Variants in CNTN4 observed in about 807,000 individuals in gnomAD.
The protein encoded by CNTN4 is contactin-4.
Under a neutral mutation model 122.5 loss-of-function variants are expected in CNTN4, and 77 were observed. That is an observed-to-expected ratio of 0.63 (90% CI 0.52 to 0.76). The LOEUF (loss-of-function observed/expected upper bound fraction) is 0.76. CNTN4 is among the 30% of genes least tolerant of loss of function. The pLI is 0.00. For missense variants in CNTN4, 1,256 were observed against 1,259.1 expected, an observed-to-expected ratio of 1.00 and a Z score of 0.04; for synonymous variants, 512 against 447.0, an observed-to-expected ratio of 1.15 and a Z score of -1.83.
intron 12 of CNTN4, among the ~76,000 whole-genome samples, chr3:2,906,450 A>C (rs542105937): frequency 3.9e-5 from 6 of 152,148 alleles, no homozygotes; most frequent in African/African-American, 1.4e-4. Flanking sequence ...AATAGATACA[A>C]TTGTGTCTGT....
At chr3:2,811,225 T>G (rs561224619) in intron 6 of CNTN4, among the ~76,000 whole-genome samples, 2 of 151,298 alleles carry the variant, frequency 1.3e-5, no homozygotes, top group Admixed American at 1.3e-4. Flanking sequence ...GCCTGGCCAA[T>G]GTGGGAAACC....
intron 4 of CNTN4, among the ~76,000 whole-genome samples, chr3:2,627,125 G>A (rs936307306): frequency 2.0e-5 from 3 of 152,192 alleles, no homozygotes; most frequent in Non-Finnish European, 4.4e-5. Flanking sequence ...CTCCTGGGAT[G>A]CAGGACTTTT....
chr3:2,263,554 A>T (rs1450086093), intron 2 of CNTN4, among the ~76,000 whole-genome samples: 1 of 152,122 alleles, frequency 6.6e-6, no homozygotes, highest in Non-Finnish European at 1.5e-5. Context: ...TGATATCTGT[A>T]TTTAATGTAG....
chr3:2,578,926 T>G (rs1363594169), intron 4 of CNTN4, among the ~76,000 whole-genome samples: 1 of 152,058 alleles, frequency 6.6e-6, no homozygotes, highest in Non-Finnish European at 1.5e-5. Context: ...AAATAGCAAA[T>G]GCAAAACTTC....
At chr3:2,347,161 C>T (rs2044426960) in intron 3 of CNTN4, among the ~76,000 whole-genome samples, 1 of 152,072 alleles carries the variant, frequency 6.6e-6, no homozygotes, top group South Asian at 2.1e-4. Flanking sequence ...CAAACAGCCC[C>T]AAGTGTCATG....
chr3:2,634,483 G>A (rs1022049369), intron 4 of CNTN4, among the ~76,000 whole-genome samples: 6 of 151,970 alleles, frequency 3.9e-5, no homozygotes, highest in African/African-American at 1.2e-4. Context: ...AATGCTTTCA[G>A]AACTTACTCA....
In CNTN4 at chr3:2,252,098, C is replaced by T. The variant is rs546427771; in HGVS notation, c.-144-87080C>T. ...ACTCTACATTCACATTTATAGGAATCAGGATATTGCCAGATACGCACTGAT... is the reference window on the plus strand; with the variant it reads ...ACTCTACATTCACATTTATAGGAATTAGGATATTGCCAGATACGCACTGAT... On this transcript the variant is annotated intron_variant, in intron 2 of 24. Transcript: ENST00000418658. Among the ~76,000 whole-genome samples, 4 of 152,016 alleles carry T rather than the reference C, an allele frequency of 2.6e-5. No individual in the cohort carries two copies. In the South Asian group the frequency reaches 6.2e-4, roughly 24 times the overall value.
intron 6 of CNTN4, among the ~76,000 whole-genome samples, chr3:2,782,725 G>A (rs974782278): frequency 1.3e-5 from 2 of 151,936 alleles, no homozygotes; most frequent in Non-Finnish European, 2.9e-5. Context: ...CCATTCCCTG[G>A]GGCTTTCAGG....
At chr3:2,220,427 G>A (rs2039017788) in intron 2 of CNTN4, among the ~76,000 whole-genome samples, 1 of 152,092 alleles carries the variant, frequency 6.6e-6, no homozygotes, top group African/African-American at 2.4e-5. Flanking sequence ...TACATTAAAT[G>A]AGTAAGTTTC....
chr3:2,541,432 T>C (rs913939326), intron 3 of CNTN4, among the ~76,000 whole-genome samples: 1 of 152,074 alleles, frequency 6.6e-6, no homozygotes, highest in Admixed American at 6.6e-5. Context: ...AGAAAAACCG[T>C]TTTTTCCATA....
chr3:2,759,451 T>C (rs1379772297), intron 6 of CNTN4, among the ~76,000 whole-genome samples: 6 of 152,312 alleles, frequency 3.9e-5, no homozygotes, highest in Admixed American at 6.5e-5. Context: ...TAGCCAGTAC[T>C]TCATTTATTT....
At chr3:2,993,895 C>T (rs1695283328) in intron 14 of CNTN4, among the ~76,000 whole-genome samples, 2 of 152,112 alleles carry the variant, frequency 1.3e-5, no homozygotes, top group African/African-American at 2.4e-5. Flanking sequence ...TTAGCCTCAC[C>T]CCAGTATCCA....
At chr3:2,719,212 A>G (rs939362450) in intron 4 of CNTN4, among the ~76,000 whole-genome samples, 2 of 152,330 alleles carry the variant, frequency 1.3e-5, no homozygotes, top group East Asian at 1.9e-4. Context: ...GAATTAGTCA[A>G]TGAATGAATG....
chr3:2,895,446 T>G (rs1018630014), intron 10 of CNTN4, among the ~76,000 whole-genome samples: 1 of 152,246 alleles, frequency 6.6e-6, no homozygotes. Context: ...TGAATACCTA[T>G]TAATAGAAAT....
chr3:2,750,714 T>C (rs1036720026), intron 6 of CNTN4, among the ~76,000 whole-genome samples: 6 of 152,202 alleles, frequency 3.9e-5, no homozygotes, highest in African/African-American at 1.4e-4. Flanking sequence ...CTTTTAGCCC[T>C]TCTATTTCAC....
chr3:2,653,950 T>A (rs1012854045), intron 4 of CNTN4, among the ~76,000 whole-genome samples: 12 of 152,166 alleles, frequency 7.9e-5, no homozygotes, highest in Admixed American at 1.3e-4. Flanking sequence ...TAGAAAACAG[T>A]AAGTTTGGGA....
At chr3:2,167,667 C>G (rs1478166826) in intron 2 of CNTN4, among the ~76,000 whole-genome samples, 1 of 152,098 alleles carries the variant, frequency 6.6e-6, no homozygotes, top group Non-Finnish European at 1.5e-5. Context: ...AAGCTTTTTA[C>G]CTTGTCATTT....
intron 3 of CNTN4, among the ~76,000 whole-genome samples, chr3:2,490,906 G>A (rs566159401): frequency 5.3e-5 from 8 of 152,136 alleles, no homozygotes; most frequent in African/African-American, 1.7e-4. Context: ...TATGTTTAGC[G>A]ACCAAGATGC....
rs145201899 is a variant in CNTN4 at position 2,741,655 on chromosome 3, C to T, written c.183-3867C>T. Among the ~76,000 whole-genome samples, 79 of 152,304 alleles carry T rather than the reference C, an allele frequency of 5.2e-4. No individual in the cohort carries two copies. In the South Asian group the frequency reaches 7.5e-3, roughly 14 times the overall value. ...GTGTAGTAAAGAATGCAGGAAGCAA[C>T]GGCTGTTAGGTACACACATGATGAG... On this transcript the variant is annotated intron_variant, in intron 5 of 24. Coordinates refer to ENST00000418658, the MANE Select transcript of CNTN4 (RefSeq NM_175607.3).
Sources: gnomAD v4.1 joint callset for allele counts (sites outside exome capture counted in the v4.1 genomes callset) on GRCh38, gnomAD v4.1.1 for gene constraint, MANE v1.5 for transcripts, NCBI Gene and HGNC (gene_info 2026-07-23, HGNC 2026-07-21) for gene names.